Variants in FRS2 observed in about 807,000 individuals in gnomAD.
FRS2 encodes FGFR signalling adaptor.
In FRS2, 8 loss-of-function variants were observed where a neutral mutation model predicts 43.9. That is an observed-to-expected ratio of 0.18 (90% CI 0.11 to 0.33). The LOEUF (loss-of-function observed/expected upper bound fraction) is 0.33. FRS2 is among the 10% of genes least tolerant of loss of function. The pLI is 1.00. For synonymous variants in FRS2, 219 were observed against 220.3 expected (o/e 0.99, Z 0.05); for missense variants, 534 against 627.6 (o/e 0.85, Z 1.59).
intron 5 of FRS2, among the ~76,000 whole-genome samples, chr12:69,569,401 A>G (rs967745870): frequency 6.6e-6 from 1 of 151,988 alleles, no homozygotes; most frequent in Admixed American, 6.6e-5. Context: ...TATTATTTTC[A>G]TGTGTGCCTG....
chr12:69,488,471 C>A (rs1287707132), intron 1 of FRS2, among the ~76,000 whole-genome samples: 1 of 152,148 alleles, frequency 6.6e-6, no homozygotes, highest in Non-Finnish European at 1.5e-5. Flanking sequence ...TGCTGTTGCA[C>A]ACTTAATAGA....
chr12:69,498,759 T>A (rs1467958851), intron 1 of FRS2, among the ~76,000 whole-genome samples: 1 of 152,044 alleles, frequency 6.6e-6, no homozygotes, highest in Non-Finnish European at 1.5e-5. Flanking sequence ...TGGCAGAGGT[T>A]ATTCAGGGCG....
intron 1 of FRS2, among the ~76,000 whole-genome samples, chr12:69,495,998 G>GT (rs1280233015): frequency 2.0e-5 from 3 of 152,176 alleles, no homozygotes; most frequent in African/African-American, 7.2e-5. Flanking sequence ...AGGCCAAGTA[G>GT]TTTTAACTTA....
intron 4 of FRS2, among the ~76,000 whole-genome samples, chr12:69,564,123 C>G (rs1442076914): frequency 6.6e-6 from 1 of 152,144 alleles, no homozygotes; most frequent in Non-Finnish European, 1.5e-5. Context: ...AGACCAGTTT[C>G]CATCCTCTAG....
intron 3 of FRS2, among the ~76,000 whole-genome samples, chr12:69,553,794 T>G (rs769138996): frequency 1.3e-5 from 2 of 152,074 alleles, no homozygotes; most frequent in Non-Finnish European, 1.5e-5. Context: ...AGAAAAACTT[T>G]GGGAACATAT....
intron 3 of FRS2, among the ~76,000 whole-genome samples, chr12:69,544,879 A>G (rs990896698): frequency 6.6e-6 from 1 of 152,150 alleles, no homozygotes; most frequent in East Asian, 1.9e-4. Context: ...ATTAAATATC[A>G]TACTGGATAT....
chr12:69,518,386 T>A (rs1220782398), intron 1 of FRS2, among the ~76,000 whole-genome samples: 4 of 149,054 alleles, frequency 2.7e-5, no homozygotes, highest in Admixed American at 2.1e-4. Flanking sequence ...GTTTTCCTTC[T>A]GACAGATAAA....
chr12:69,514,111 A>T (rs971317819), intron 1 of FRS2, among the ~76,000 whole-genome samples: 2 of 152,056 alleles, frequency 1.3e-5, no homozygotes, highest in Admixed American at 6.6e-5. Flanking sequence ...GCATGATGTC[A>T]ATCAGAATTT....
chr12:69,558,441 C>T (rs1030872428), intron 3 of FRS2, among the ~76,000 whole-genome samples: 2 of 152,166 alleles, frequency 1.3e-5, no homozygotes, highest in Non-Finnish European at 2.9e-5. Context: ...GGTGAAATGG[C>T]CATGTGCCTT....
rs535625885 is a variant in FRS2 at position 69,540,875 on chromosome 12, C to G, written c.-122+8819C>G. ...GTGGCACTTTATCTCTGTGATCCTC[C>G]TGTCCAAATCCCATACTCCCAGTCT... is the stretch of plus-strand genomic sequence containing the variant. On this transcript the variant is annotated intron_variant, in intron 3 of 8. Coordinates refer to ENST00000549921, the MANE Select transcript of FRS2 (RefSeq NM_001278356.2). Among the ~76,000 whole-genome samples, 8 of 152,272 alleles carry G rather than the reference C, an allele frequency of 5.3e-5. No individual in the cohort carries two copies. The South Asian group carries it at 1.2e-3, about 24-fold the overall frequency.
chr12:69,488,749 A>C (rs1184458053), intron 1 of FRS2, among the ~76,000 whole-genome samples: 1 of 152,268 alleles, frequency 6.6e-6, no homozygotes, highest in Non-Finnish European at 1.5e-5. Flanking sequence ...TCACAGAAAC[A>C]ACCTTTTTCC....
intron 1 of FRS2, among the ~76,000 whole-genome samples, chr12:69,526,775 G>A (rs895282253): frequency 3.3e-5 from 5 of 151,754 alleles, no homozygotes; most frequent in African/African-American, 1.2e-4. Context: ...CCAGGCTAGA[G>A]TGCAGTGGCA....
chr12:69,545,845 G>T (rs1343436484), intron 3 of FRS2, among the ~76,000 whole-genome samples: 1 of 149,222 alleles, frequency 6.7e-6, no homozygotes, highest in Non-Finnish European at 1.5e-5. Flanking sequence ...AGGGTGCCAA[G>T]ACTATTCAAT....
intron 4 of FRS2, among the ~76,000 whole-genome samples, chr12:69,568,547 C>G (rs1335577605): frequency 6.6e-6 from 1 of 151,842 alleles, no homozygotes; most frequent in Non-Finnish European, 1.5e-5. Context: ...GTCTCTGTGT[C>G]TCTGGCTGTC....
intron 1 of FRS2, among the ~76,000 whole-genome samples, chr12:69,477,176 T>A (rs1384526977): frequency 1.3e-5 from 2 of 152,074 alleles, no homozygotes; most frequent in African/African-American, 4.8e-5. Flanking sequence ...CTGCTATAAA[T>A]TGAAGTTTTT....
chr12:69,513,851 G>C (rs915434101), intron 1 of FRS2, among the ~76,000 whole-genome samples: 1 of 152,120 alleles, frequency 6.6e-6, no homozygotes, highest in African/African-American at 2.4e-5. Flanking sequence ...CTTGGATAGA[G>C]TTGTTTTCCT....
chr12:69,527,319 A>G (rs576166280), intron 1 of FRS2, among the ~76,000 whole-genome samples: 10 of 103,954 alleles, frequency 9.6e-5, no homozygotes, highest in Non-Finnish European at 2.0e-4. Context: ...GCAAGAATGG[A>G]GCAAAGTTTT....
intron 3 of FRS2, among the ~76,000 whole-genome samples, chr12:69,541,852 A>T (rs1007740612): frequency 2.0e-5 from 3 of 149,456 alleles, no homozygotes; most frequent in African/African-American, 4.9e-5. Context: ...AAAAAGTAAC[A>T]CTGTATTATT....
chr12:69,574,056 A>C lies in FRS2; in HGVS notation c.628A>C (p.Thr210Pro), dbSNP rs762438680. ...TGTGCAAGAAGAGCGGAAAAACCGC[A>C]CAAGTGTGCATGTTCCATTGGAGGC... ...TGVQEERKNR[T>P]SVHVPLEARV... Residue 210 changes from threonine to proline, a missense_variant, in exon 9 of 9, where the codon ACA becomes CCA. This residue lies in a region of FRS2 where 446 missense variants were observed against 494.2 expected (regional missense o/e 0.90). Coordinates refer to ENST00000549921, the MANE Select transcript of FRS2 (RefSeq NM_001278356.2). 6 of 1,614,070 alleles carry C rather than the reference A, an allele frequency of 3.7e-6. No individual in the cohort carries two copies. The East Asian group carries it at 1.3e-4, about 36-fold the overall frequency.
Sources: gnomAD v4.1 joint callset for allele counts (sites outside exome capture counted in the v4.1 genomes callset) on GRCh38, gnomAD v4.1.1 for gene constraint, gnomAD v4.1.1 regional missense constraint, MANE v1.5 for transcripts, NCBI Gene and HGNC (gene_info 2026-07-23, HGNC 2026-07-21) for gene names.